ERC2: variants seen among roughly 807,000 people sequenced by gnomAD.
ERC2 encodes the protein ELKS/RAB6-interacting/CAST family member 2, also known as ERC protein 2.
A neutral mutation model predicts 114.8 loss-of-function variants in ERC2; 42 were observed. The ratio of observed to expected loss-of-function variants is 0.37; its 90% confidence interval spans 0.29 to 0.47. ERC2 has a LOEUF of 0.47. ERC2 is among the 20% of genes least tolerant of loss of function. The pLI is 0.99. For synonymous variants in ERC2, 454 were observed against 425.5 expected (o/e 1.07, Z -0.82); for missense variants, 939 against 1,150.7 (o/e 0.82, Z 2.66).
At chr3:55,696,986 A>G (rs1014605187) in intron 16 of ERC2, among the ~76,000 whole-genome samples, 4 of 152,206 alleles carry the variant, frequency 2.6e-5, no homozygotes, top group African/African-American at 9.6e-5. Flanking sequence ...AGTGACCCCC[A>G]CTGCAGAATA....
intron 14 of ERC2, among the ~76,000 whole-genome samples, chr3:55,749,425 G>A (rs1192147686): frequency 1.3e-5 from 2 of 152,188 alleles, no homozygotes; most frequent in Non-Finnish European, 1.5e-5. Context: ...CCCTTAAGGT[G>A]AGAGGTGAGG....
At chr3:56,258,177 T>C (rs927222059) in intron 3 of ERC2, among the ~76,000 whole-genome samples, 2 of 152,178 alleles carry the variant, frequency 1.3e-5, no homozygotes, top group Non-Finnish European at 2.9e-5. Flanking sequence ...GCAGTGCACC[T>C]TTAAAACTCA....
At chr3:56,393,944 CAA>C (rs766363769) in intron 2 of ERC2, among the ~76,000 whole-genome samples, 8 of 138,160 alleles carry the variant, frequency 5.8e-5, no homozygotes, top group Admixed American at 7.3e-5. Flanking sequence ...AAGCTACAGC[CAA>C]AAAAAAAAAA....
At chr3:55,985,029 C>T (rs1440382165) in intron 12 of ERC2, among the ~76,000 whole-genome samples, 2 of 152,204 alleles carry the variant, frequency 1.3e-5, no homozygotes, top group African/African-American at 4.8e-5. Flanking sequence ...TATCGCTTGC[C>T]TCTCAATAGA....
intron 17 of ERC2, among the ~76,000 whole-genome samples, chr3:55,636,232 A>C (rs906549358): frequency 3.3e-5 from 5 of 152,196 alleles, no homozygotes; most frequent in Non-Finnish European, 7.3e-5. Flanking sequence ...TTCCTTTCTC[A>C]CAGTAATCCA....
chr3:55,936,190 C>T (rs2066433488), intron 13 of ERC2, among the ~76,000 whole-genome samples: 1 of 152,204 alleles, frequency 6.6e-6, no homozygotes, highest in South Asian at 2.1e-4. Context: ...TCTTCCCTCA[C>T]AGATACAGCC....
rs77707789 is a variant in ERC2, at chr3:55,811,533, T to A, written c.2565-76615A>T. On this transcript the variant is annotated intron_variant, in intron 14 of 17. Coordinates refer to ENST00000288221, the MANE Select transcript of ERC2 (RefSeq NM_015576.3). The stretch of plus-strand genomic sequence containing the variant: ...CAATGTTCTTTGCTTATAAAATTAG[T>A]CTACATTACCTGAGCCTTACACAGA... Among the ~76,000 whole-genome samples the A allele has an allele frequency of 4.1e-3, 624 of 152,300 alleles. 9 individuals carry two copies. Among genetic ancestry groups the A allele is most frequent in the African/African-American group, 0.014 (591 of 41,562 alleles).
At chr3:56,226,650 C>T (rs1442882891) in intron 3 of ERC2, among the ~76,000 whole-genome samples, 3 of 152,082 alleles carry the variant, frequency 2.0e-5, no homozygotes, top group African/African-American at 4.8e-5. Context: ...CAAGGCACTA[C>T]GGGAATGACA....
At chr3:55,770,892 G>A (rs1021729964) in intron 14 of ERC2, among the ~76,000 whole-genome samples, 15 of 151,746 alleles carry the variant, frequency 9.9e-5, no homozygotes, top group Admixed American at 6.6e-4. Context: ...GAGAACATGC[G>A]GTGTTTGGTT....
At chr3:56,457,636 G>A (rs1559528397) in intron 1 of ERC2, among the ~76,000 whole-genome samples, 1 of 151,988 alleles carries the variant, frequency 6.6e-6, no homozygotes, top group Non-Finnish European at 1.5e-5. Context: ...AGGGTCTTAT[G>A]CCCTGTCACA....
chr3:55,772,023 T>C (rs2068243585), intron 14 of ERC2, among the ~76,000 whole-genome samples: 1 of 152,146 alleles, frequency 6.6e-6, no homozygotes. Context: ...TCTGTGGGCC[T>C]CTCCGCCCAT....
chr3:56,213,415 T>C (rs917130071), intron 3 of ERC2, among the ~76,000 whole-genome samples: 1 of 152,130 alleles, frequency 6.6e-6, no homozygotes, highest in Admixed American at 6.5e-5. Flanking sequence ...GCCTCGCTCA[T>C]TGCTAGCACA....
chr3:55,842,305 A>T (rs2061169021), intron 14 of ERC2, among the ~76,000 whole-genome samples: 1 of 152,118 alleles, frequency 6.6e-6, no homozygotes, highest in Non-Finnish European at 1.5e-5. Flanking sequence ...GACAACCATG[A>T]GTGGCTCAGA....
At chr3:55,740,914 G>T (rs2065931370) in intron 14 of ERC2, among the ~76,000 whole-genome samples, 1 of 152,108 alleles carries the variant, frequency 6.6e-6, no homozygotes, top group African/African-American at 2.4e-5. Flanking sequence ...AATGCTCATT[G>T]CAGCGTTCTG....
At chr3:55,959,565 A>G (rs1259123784) in intron 12 of ERC2, among the ~76,000 whole-genome samples, 2 of 152,206 alleles carry the variant, frequency 1.3e-5, no homozygotes, top group Non-Finnish European at 2.9e-5. Context: ...TGTTGAACCC[A>G]CAGGCATCTA....
intron 12 of ERC2, among the ~76,000 whole-genome samples, chr3:55,983,021 C>T (rs557687284): frequency 2.6e-5 from 4 of 152,196 alleles, no homozygotes; most frequent in Admixed American, 6.5e-5. Context: ...GCAGTGCACG[C>T]GGTCCATCAC....
chr3:55,533,451 C>T (rs2053794678), intron 17 of ERC2, among the ~76,000 whole-genome samples: 1 of 152,244 alleles, frequency 6.6e-6, no homozygotes, highest in South Asian at 2.1e-4. Context: ...TGACACTAAG[C>T]ACACAGCATG....
chr3:56,127,434 G>T (rs2079940098), intron 6 of ERC2, among the ~76,000 whole-genome samples: 1 of 152,140 alleles, frequency 6.6e-6, no homozygotes, highest in Non-Finnish European at 1.5e-5. Context: ...TAAAGCTATA[G>T]TAAACAAACC....
chr3:55,744,765 T>C (rs2066202532), intron 14 of ERC2, among the ~76,000 whole-genome samples: 1 of 152,266 alleles, frequency 6.6e-6, no homozygotes, highest in Admixed American at 6.5e-5. Context: ...TTTGTTGCTT[T>C]ATTCTTTCCT....
Sources: allele counts gnomAD v4.1 joint callset (sites outside exome capture counted in the v4.1 genomes callset), GRCh38; gene constraint gnomAD v4.1.1; transcripts MANE v1.5; gene names NCBI Gene and HGNC (gene_info 2026-07-23, HGNC 2026-07-21).